ANK3: variants seen among roughly 807,000 people sequenced by gnomAD.
The protein encoded by ANK3 is ankyrin-3.
A neutral mutation model predicts 370.9 loss-of-function variants in ANK3; 57 were observed. The observed-to-expected ratio is 0.15, with a 90% CI of 0.12 to 0.19. The LOEUF (loss-of-function observed/expected upper bound fraction) is 0.19. Ranked by LOEUF, ANK3 falls within the 10% of genes least tolerant of loss-of-function variation. The pLI is 1.00. For missense variants in ANK3, 4,439 were observed against 5,302.1 expected (o/e 0.84, Z 5.06); for synonymous variants, 1,929 against 1,946.3 (o/e 0.99, Z 0.23).
At chr10:60,619,225 G>A (rs939721589) in intron 1 of ANK3, among the ~76,000 whole-genome samples, 1 of 151,828 alleles carries the variant, frequency 6.6e-6, no homozygotes, top group African/African-American at 2.4e-5. Context: ...AGTCTATCTT[G>A]CTAAGACCTC....
intron 1 of ANK3, among the ~76,000 whole-genome samples, chr10:60,666,222 A>G (rs2078993954): frequency 6.6e-6 from 1 of 152,250 alleles, no homozygotes; most frequent in Non-Finnish European, 1.5e-5. Context: ...CCACCTTAAC[A>G]AGAAAAGAAA....
At chr10:60,713,007 G>C (rs1358281888) in intron 1 of ANK3, among the ~76,000 whole-genome samples, 1 of 152,112 alleles carries the variant, frequency 6.6e-6, no homozygotes, top group Non-Finnish European at 1.5e-5. Context: ...CCACAAGTAC[G>C]GTGGAGACTT....
intron 10 of ANK3, 72 bp from the exon 11 acceptor site, chr10:60,205,962 T>C (rs1033136867): frequency 4.1e-6 from 4 of 971,360 alleles, no homozygotes; most frequent in East Asian, 2.5e-5. Context: ...GTGCAGTAAA[T>C]AGTTTTGCTA....
At chr10:60,115,176 G>A (rs1290855977) in intron 25 of ANK3, among the ~76,000 whole-genome samples, 1 of 152,184 alleles carries the variant, frequency 6.6e-6, no homozygotes, top group African/African-American at 2.4e-5. Context: ...CTTATAATGG[G>A]AAGAGATTTG....
intron 8 of ANK3, among the ~76,000 whole-genome samples, chr10:60,233,795 A>G (rs966223299): frequency 1.3e-5 from 2 of 152,206 alleles, no homozygotes; most frequent in Non-Finnish European, 2.9e-5. Context: ...CTCACAATCC[A>G]TAAGCAGACA....
chr10:60,467,604 C>T (rs1475620776), intron 2 of ANK3, among the ~76,000 whole-genome samples: 1 of 152,132 alleles, frequency 6.6e-6, no homozygotes, highest in African/African-American at 2.4e-5. Context: ...ACATCTTTCA[C>T]CTAAATATTC....
At chr10:60,461,672 TAAC>T (rs2064887394) in intron 2 of ANK3, among the ~76,000 whole-genome samples, 1 of 152,248 alleles carries the variant, frequency 6.6e-6, no homozygotes, top group East Asian at 1.9e-4. Flanking sequence ...GACAAGTTAA[TAAC>T]AAGACAATAT....
intron 2 of ANK3, among the ~76,000 whole-genome samples, chr10:60,550,339 C>A (rs1454924047): frequency 6.6e-6 from 1 of 151,818 alleles, no homozygotes; most frequent in Non-Finnish European, 1.5e-5. Context: ...AACTAAGAAG[C>A]ATTTGCCATG....
intron 23 of ANK3, among the ~76,000 whole-genome samples, chr10:60,159,243 T>G (rs1312566498): frequency 1.1e-5 from 1 of 88,266 alleles, no homozygotes; most frequent in Non-Finnish European, 2.4e-5. Context: ...GGATATTCCA[T>G]GCAAATAGAG....
chr10:60,055,959 G>A lies in ANK3; in HGVS notation c.12764C>T (p.Thr4255Ile). ...AGKFEANGSH[T>I]EITPEAKTKS... ...TGTCTTTGCTTCTGGAGTGATTTCT[G>A]TATGGCTTCCATTTGCTTCAAATTT... is the stretch of plus-strand genomic sequence containing the variant. Residue 4255 changes from threonine (T) to isoleucine (I), a missense_variant, in exon 42 of 44, where the codon ACA becomes ATA. Thr to Ile is a moderately conservative substitution (Grantham distance 89, BLOSUM62 -1). Transcript: ENST00000280772. 1.2e-6 allele frequency: 2 copies of A among 1,613,982 alleles called. No individual in the cohort carries two copies. Among genetic ancestry groups the A allele is most frequent in the South Asian group, 1.1e-5 (1 of 91,074 alleles).
intron 1 of ANK3, among the ~76,000 whole-genome samples, chr10:60,677,866 C>G (rs993581290): frequency 1.3e-5 from 2 of 151,788 alleles, no homozygotes; most frequent in Non-Finnish European, 2.9e-5. Flanking sequence ...TTACATGATA[C>G]TCCTTTCAAA....
chr10:60,707,178 GTAA>G (rs2079632814), intron 1 of ANK3, among the ~76,000 whole-genome samples: 1 of 152,116 alleles, frequency 6.6e-6, no homozygotes, highest in Non-Finnish European at 1.5e-5. Context: ...TTTGGATCAT[GTAA>G]AATCTAATTT....
At chr10:60,505,865 G>A (rs965402694) in intron 2 of ANK3, among the ~76,000 whole-genome samples, 4 of 151,916 alleles carry the variant, frequency 2.6e-5, no homozygotes, top group Non-Finnish European at 2.9e-5. Flanking sequence ...AATATATTGC[G>A]ATCTCAAGCA....
chr10:60,306,451 A>G (rs757888695), intron 1 of ANK3, among the ~76,000 whole-genome samples: 1 of 28,176 alleles, frequency 3.5e-5, no homozygotes, highest in Non-Finnish European at 1.1e-4. Context: ...ATATATATAT[A>G]TATCTATCTT....
At chr10:60,189,368 C>G (rs1439256696) in intron 16 of ANK3, among the ~76,000 whole-genome samples, 1 of 151,952 alleles carries the variant, frequency 6.6e-6, no homozygotes, top group African/African-American at 2.4e-5. Flanking sequence ...CAGGGAGAGA[C>G]AGAGACAGAG....
intron 1 of ANK3, among the ~76,000 whole-genome samples, chr10:60,340,979 C>T (rs2054157947): frequency 6.6e-6 from 1 of 152,136 alleles, no homozygotes; most frequent in Non-Finnish European, 1.5e-5. Context: ...AGTATTAGAT[C>T]TGGGACTCAA....
intron 16 of ANK3, among the ~76,000 whole-genome samples, chr10:60,194,250 A>G (rs1262074787): frequency 1.3e-5 from 2 of 152,260 alleles, no homozygotes. Context: ...ATGCTAAAAT[A>G]CACATAACAA....
intron 21 of ANK3, among the ~76,000 whole-genome samples, chr10:60,170,930 C>T (rs2095771736): frequency 6.6e-6 from 1 of 152,130 alleles, no homozygotes; most frequent in South Asian, 2.1e-4. Flanking sequence ...AGTCTTTTAA[C>T]ATTGAAATAG....
intron 7 of ANK3, among the ~76,000 whole-genome samples, chr10:60,258,850 C>T (rs186967662): frequency 1.3e-5 from 2 of 152,262 alleles, no homozygotes; most frequent in East Asian, 3.9e-4. Flanking sequence ...AAATTGCAGC[C>T]CCCCAAGACA....
Sources: allele counts gnomAD v4.1 joint callset (sites outside exome capture counted in the v4.1 genomes callset), GRCh38; gene constraint gnomAD v4.1.1; transcripts MANE v1.5; gene names NCBI Gene and HGNC (gene_info 2026-07-23, HGNC 2026-07-21).